The following PARP8 variants were observed in gnomAD, a reference collection of about 807,000 sequenced individuals.
PARP8 encodes protein mono-ADP-ribosyltransferase PARP8.
Under a neutral mutation model 124.1 loss-of-function variants are expected in PARP8, and 51 were observed. That is an observed-to-expected ratio of 0.41 (90% confidence interval 0.33 to 0.52). PARP8 has a LOEUF of 0.52. PARP8 is among the 20% of genes least tolerant of loss of function. PARP8 has a pLI of 0.21. For missense variants in PARP8, 860 were observed against 1,018.9 expected (o/e 0.84, Z 2.12); for synonymous variants, 391 against 361.5 (o/e 1.08, Z -0.93).
chr5:50,782,633 C>A (rs1296177322), intron 9 of PARP8, among the ~76,000 whole-genome samples: 1 of 152,108 alleles, frequency 6.6e-6, no homozygotes, highest in African/African-American at 2.4e-5. Flanking sequence ...TCACAGAATA[C>A]CATTATTTCA....
Position 50,666,945 on chromosome 5 carries a change from AC to A in PARP8, c.-148del. ...CCCCTCCTCCTCCTCCTCTTCTCTC[AC>A]CCAGGATCACTTCCGAAACCACTTC... On this transcript the variant is annotated 5_prime_UTR_variant, in exon 1 of 26. It removes the in-frame stop codon of an upstream open reading frame in the 5' UTR. Transcript: ENST00000281631. 1 of 1,268,594 alleles carries A rather than the reference AC, an allele frequency of 7.9e-7. No homozygotes were observed. The highest frequency in any genetic ancestry group is 1.0e-6 in the Non-Finnish European group (1 of 977,338). 78.6% of individuals were successfully genotyped at this position (1,268,594 alleles called of 1,614,324 possible).
intron 21 of PARP8, 96 bp from the exon 22 acceptor site, chr5:50,829,796 G>C: frequency 8.4e-7 from 1 of 1,195,132 alleles, no homozygotes; most frequent in Non-Finnish European, 1.1e-6. Context: ...TTTTTTGTAA[G>C]ACTGAATGTT....
At chr5:50,781,417 G>T (rs1336567182) in intron 9 of PARP8, among the ~76,000 whole-genome samples, 3 of 151,896 alleles carry the variant, frequency 2.0e-5, no homozygotes, top group Non-Finnish European at 4.4e-5. Flanking sequence ...AGTTGAAATT[G>T]TTCTTCTTTT....
At position 50,821,313 on chromosome 5, in the gene PARP8, C is replaced by A. The variant is rs201475333; in HGVS notation, c.1769C>A (p.Pro590His). The A allele has an allele frequency of 6.2e-7, 1 of 1,614,000 alleles. No individual in the cohort carries two copies. The highest frequency in any genetic ancestry group is 1.7e-5 in the Admixed American group (1 of 60,022). Residue 590 changes from proline to histidine, a missense_variant, in exon 16 of 26, where the codon CCT becomes CAT. Physicochemically the swap from Pro to His is moderately conservative, Grantham distance 77. Coordinates refer to ENST00000281631, the MANE Select transcript of PARP8 (RefSeq NM_024615.4). ...CCTTCTGTGGTAGATCCTAATGATC[C>A]TCAGATGTTGGCCTTCAACCCCAGG... ...PYPSVVDPND[P>H]QMLAFNPRKK...
Position 50,843,438 on chromosome 5 carries a change from TTGTC to T in PARP8, c.*1373_*1376del, listed in dbSNP as rs539260538. ...GTGATAACTGCTGTGTTTATTTCCT[TTGTC>T]TGGCATAAAAGGTGAGAAAAAGGTC... On this transcript the variant is annotated 3_prime_UTR_variant, in exon 26 of 26. Transcript: ENST00000281631. 9.2e-5 allele frequency: 14 copies of T among 151,956 alleles called. No homozygotes were observed. In the South Asian group the frequency reaches 2.3e-3, roughly 25 times the overall value. The allele number at this position is 151,956 out of a possible 1,614,324, so 9.4% of individuals were successfully genotyped here.
rs184144132 is a variant in PARP8 at position 50,671,968 on chromosome 5, G to C, written c.146+3843G>C. 4.6e-4 allele frequency among the ~76,000 whole-genome samples: 70 copies of C among 152,212 alleles called. 1 individual carries two copies. In the South Asian group the frequency reaches 0.011, roughly 23 times the overall value. On this transcript the variant is annotated intron_variant, in intron 2 of 25. Coordinates refer to ENST00000281631, the MANE Select transcript of PARP8 (RefSeq NM_024615.4). ...GAAGTGTATCCTTTTTGTTTCAGGAGCTTCCGTCTAGATAAATAGCACGCG... is the reference window on the plus strand; with the variant it reads ...GAAGTGTATCCTTTTTGTTTCAGGACCTTCCGTCTAGATAAATAGCACGCG...
intron 2 of PARP8, among the ~76,000 whole-genome samples, chr5:50,688,936 A>G (rs1168835242): frequency 6.6e-6 from 1 of 152,186 alleles, no homozygotes; most frequent in Non-Finnish European, 1.5e-5. Flanking sequence ...TTGATCTTGG[A>G]CAGATAGTAT....
At chr5:50,677,899 T>A (rs1750820362) in intron 2 of PARP8, among the ~76,000 whole-genome samples, 1 of 151,638 alleles carries the variant, frequency 6.6e-6, no homozygotes, top group African/African-American at 2.4e-5. Context: ...TTTTTCAACA[T>A]CTGAATATTC....
At chr5:50,743,120 C>A (rs143566836) in intron 2 of PARP8, among the ~76,000 whole-genome samples, 264 of 152,188 alleles carry the variant, frequency 1.7e-3, no homozygotes, top group African/African-American at 6.0e-3. Flanking sequence ...AAGGTATAGC[C>A]ATTTGGAGAT....
chr5:50,796,863 C>G (rs2149654329), intron 12 of PARP8, 119 bp from the exon 13 acceptor site: 1 of 835,194 alleles, frequency 1.2e-6, no homozygotes. Context: ...TGACTCAATT[C>G]ATATTTCATG....
intron 2 of PARP8, among the ~76,000 whole-genome samples, chr5:50,709,734 C>T (rs927190417): frequency 6.6e-6 from 1 of 151,262 alleles, no homozygotes; most frequent in African/African-American, 2.4e-5. Context: ...GTTATTAAGC[C>T]CTGGTACTGT....
intron 2 of PARP8, among the ~76,000 whole-genome samples, chr5:50,677,570 G>A (rs1750778056): frequency 6.6e-6 from 1 of 152,090 alleles, no homozygotes; most frequent in Admixed American, 6.5e-5. Context: ...AATTGTATTT[G>A]GCTCAGAAAT....
At chr5:50,830,081 G>C (rs1429939235) in intron 22 of PARP8, 120 bp downstream of exon 22, 1 of 1,189,850 alleles carries the variant, frequency 8.4e-7, no homozygotes, top group Admixed American at 3.7e-5. Context: ...AAATTTGTTT[G>C]CTAAATGTCA....
intron 10 of PARP8, among the ~76,000 whole-genome samples, chr5:50,792,328 T>A (rs1742051792): frequency 6.6e-6 from 1 of 152,168 alleles, no homozygotes; most frequent in Non-Finnish European, 1.5e-5. Flanking sequence ...AACACAACAT[T>A]GAATGTCTTT....
chr5:50,775,180 T>G (rs564658739), intron 7 of PARP8, among the ~76,000 whole-genome samples: 20 of 152,276 alleles, frequency 1.3e-4, no homozygotes, highest in African/African-American at 4.8e-4. Flanking sequence ...GGCTGTAATC[T>G]TAGCACTTTG....
Position 50,666,693 on chromosome 5 carries a change from T to TCGCCCCTCGCCGGCGCC in PARP8, c.-398_-382dup, listed in dbSNP as rs1411062169. ...GTGCGCGCGTGAGCCGGAGCGGGGCTCGCCCCTCGCCGGCGCCCGCCGCCC... is the reference window on the plus strand; with the variant it reads ...GTGCGCGCGTGAGCCGGAGCGGGGCTCGCCCCTCGCCGGCGCCCGCCCCTCGCCGGCGCCCGCCGCCC... On this transcript the variant is annotated 5_prime_UTR_variant, in exon 1 of 26. Coordinates refer to ENST00000281631, the MANE Select transcript of PARP8 (RefSeq NM_024615.4). 5 of 197,572 alleles carry TCGCCCCTCGCCGGCGCC rather than the reference T, an allele frequency of 2.5e-5. No homozygotes were observed. The highest frequency in any genetic ancestry group is 1.2e-4 in the African/African-American group (5 of 41,864). The allele number at this position is 197,572 out of a possible 1,614,324, so 12.2% of individuals were successfully genotyped here.
At position 50,815,417 on chromosome 5, in the gene PARP8, C is replaced by G; in HGVS notation, c.1576-15C>G. On this transcript the variant is annotated splice_polypyrimidine_tract_variant and intron_variant, in intron 14 of 25. Coordinates refer to ENST00000281631, the MANE Select transcript of PARP8 (RefSeq NM_024615.4). The stretch of plus-strand genomic sequence containing the variant: ...TGGAAAAAAGTTTTGTGATTGATTC[C>G]TTTTTCTTTTGTAGCCTACCGTATG... 3 of 1,535,976 alleles carry G rather than the reference C, an allele frequency of 2.0e-6. No individual in the cohort carries two copies. Among genetic ancestry groups the G allele is most frequent in the Non-Finnish European group, 8.7e-7 (1 of 1,146,484 alleles).
At chr5:50,832,653 T>A in intron 22 of PARP8, 128 bp from the exon 23 acceptor site, 2 of 829,104 alleles carry the variant, frequency 2.4e-6, no homozygotes, top group Non-Finnish European at 3.8e-6. Flanking sequence ...CACAGCCCTT[T>A]GTTACTGTCT....
At chr5:50,678,528 A>G (rs1358451302) in intron 2 of PARP8, among the ~76,000 whole-genome samples, 2 of 152,210 alleles carry the variant, frequency 1.3e-5, no homozygotes, top group African/African-American at 4.8e-5. Context: ...TATTTGATAT[A>G]TATAGGTACA....
Sources: allele counts gnomAD v4.1 joint callset (sites outside exome capture counted in the v4.1 genomes callset), GRCh38; gene constraint gnomAD v4.1.1; transcripts MANE v1.5; gene names NCBI Gene and HGNC (gene_info 2026-07-23, HGNC 2026-07-21).